BLTP1: variants seen among roughly 807,000 people sequenced by gnomAD.
BLTP1 encodes fragile site-associated protein.
chr4:122,187,299 T>A, the BLTP1 span: 1 of 1,437,524 alleles, frequency 7.0e-7, no homozygotes, highest in Admixed American at 2.7e-5. Context: ...TTGTTCTGTT[T>A]ACTGAAGTAG....
the BLTP1 span, chr4:122,316,464 G>A: frequency 2.0e-6 from 1 of 496,224 alleles, no homozygotes. Context: ...TTCCTGCAGA[G>A]TATCTGTGTG....
At chr4:122,229,943 C>A in the BLTP1 span, 1 of 1,611,796 alleles carries the variant, frequency 6.2e-7, no homozygotes, top group South Asian at 1.1e-5. Context: ...GGGTGCAATT[C>A]GAGTTGCAAA....
At chr4:122,219,337 T>C in the BLTP1 span, 3 of 1,611,118 alleles carry the variant, frequency 1.9e-6, no homozygotes, top group Non-Finnish European at 2.5e-6. Flanking sequence ...TTAATATTTA[T>C]AGGAAAACTA....
At chr4:122,332,546 C>G in the BLTP1 span, among the ~76,000 whole-genome samples, 1 of 151,688 alleles carries the variant, frequency 6.6e-6, no homozygotes, top group Admixed American at 6.6e-5. Flanking sequence ...TAACCAGTCT[C>G]GCTAGAGATA....
chr4:122,202,582 AT>A, the BLTP1 span: 3 of 935,216 alleles, frequency 3.2e-6, no homozygotes, highest in Non-Finnish European at 3.8e-6. Flanking sequence ...AAGATTTTGT[AT>A]TTTTTAACTT....
chr4:122,305,825 A>C, the BLTP1 span: 280 of 1,465,374 alleles, frequency 1.9e-4, no homozygotes, highest in Non-Finnish European at 2.4e-4. Flanking sequence ...TTAGTTTCAT[A>C]TTAAAACTTT....
the BLTP1 span, among the ~76,000 whole-genome samples, chr4:122,293,791 C>T: frequency 3.9e-5 from 6 of 152,182 alleles, no homozygotes; most frequent in East Asian, 1.9e-4. Flanking sequence ...GAATTCCAGC[C>T]GGCCAACAGC....
At chr4:122,230,447 A>G in the BLTP1 span, among the ~76,000 whole-genome samples, 1 of 152,208 alleles carries the variant, frequency 6.6e-6, no homozygotes, top group Admixed American at 6.5e-5. Flanking sequence ...ATGTGTTTCT[A>G]AGTCTATACC....
the BLTP1 span, chr4:122,269,025 C>T: frequency 1.5e-6 from 1 of 674,934 alleles, no homozygotes; most frequent in African/African-American, 2.0e-5. Context: ...ACCACAGTAA[C>T]TGAAATTTTA....
At chr4:122,356,371 T>C in the BLTP1 span, among the ~76,000 whole-genome samples, 1 of 152,154 alleles carries the variant, frequency 6.6e-6, no homozygotes, top group Non-Finnish European at 1.5e-5. Flanking sequence ...CTAAAACCAG[T>C]AAGTATAATG....
the BLTP1 span, chr4:122,185,861 G>GT: frequency 4.6e-6 from 1 of 219,638 alleles, no homozygotes; most frequent in Non-Finnish European, 7.7e-6. Context: ...GAAACATCAA[G>GT]TTTTTTCTTT....
At chr4:122,356,757 T>C in the BLTP1 span, 1 of 1,608,824 alleles carries the variant, frequency 6.2e-7, no homozygotes, top group Non-Finnish European at 8.5e-7. Context: ...AAGAAAAAGG[T>C]GGGTGGAATA....
At chr4:122,205,785 T>TAC in the BLTP1 span, 38,728 of 147,184 alleles carry the variant, frequency 0.26, 5,213 homozygotes, top group African/African-American at 0.35. Context: ...CTCTGTCACA[T>TAC]ACACACACAC....
the BLTP1 span, chr4:122,299,844 C>T: frequency 3.8e-5 from 37 of 984,408 alleles, 2 homozygotes. Context: ...GAGAGAAGTA[C>T]TTAATTATAA....
At chr4:122,186,444 A>G in the BLTP1 span, among the ~76,000 whole-genome samples, 1 of 151,884 alleles carries the variant, frequency 6.6e-6, no homozygotes, top group Non-Finnish European at 1.5e-5. Context: ...CACAAATCCT[A>G]CTTTTCTCCG....
chr4:122,322,219 T>G, the BLTP1 span, among the ~76,000 whole-genome samples: 2 of 151,798 alleles, frequency 1.3e-5, no homozygotes, highest in African/African-American at 4.8e-5. Flanking sequence ...TTTTGTTTTG[T>G]TTTTTTAGTC....
chr4:122,296,611 C>T, the BLTP1 span, among the ~76,000 whole-genome samples: 2 of 152,170 alleles, frequency 1.3e-5, no homozygotes, highest in Non-Finnish European at 1.5e-5. Flanking sequence ...ATAGCCAAGA[C>T]AATCCTAAGC....
At chr4:122,224,165 C>A in the BLTP1 span, 2 of 850,852 alleles carry the variant, frequency 2.4e-6, no homozygotes, top group Non-Finnish European at 2.8e-6. Context: ...AGATTTCTTA[C>A]AAAAGACTGG....
At chr4:122,164,414 G>T in the BLTP1 span, 1 of 985,204 alleles carries the variant, frequency 1.0e-6, no homozygotes, top group South Asian at 4.7e-5. Context: ...TGGTTTTGTT[G>T]CTGCTTCTCC....
Sources: gnomAD v4.1 joint callset for allele counts (sites outside exome capture counted in the v4.1 genomes callset) on GRCh38, gnomAD v4.1.1 for gene constraint, MANE v1.5 for transcripts, NCBI Gene and HGNC (gene_info 2026-07-23, HGNC 2026-07-21) for gene names.